Variants in SHANK1 observed in about 807,000 individuals in gnomAD.
The protein encoded by SHANK1 is SH3 and multiple ankyrin repeat domains protein 1.
SHANK1 carries 35 observed loss-of-function variants against 165.6 expected under a neutral mutation model. The ratio of observed to expected loss-of-function variants is 0.21; its 90% CI spans 0.16 to 0.28. The LOEUF is 0.28. Ranked by LOEUF, SHANK1 falls within the 10% of genes least tolerant of loss-of-function variation. The pLI, the probability that SHANK1 is intolerant of heterozygous loss-of-function variation, is 1.00. For synonymous variants in SHANK1, 1,428 were observed against 1,384.8 expected, an observed-to-expected ratio of 1.03 and a Z score of -0.69; for missense variants, 2,681 against 3,036.4, an observed-to-expected ratio of 0.88 and a Z score of 2.75.
Position 50,661,347 on chromosome 19 carries a change from G to A in SHANK1, c.*618C>T, listed in dbSNP as rs920553064. ...CGAGGAGAGCAGAGTGTATTTGAGC[G>A]GGCCTCGCCAGCCAGAAGCAAAGGC... On this transcript the variant is annotated 3_prime_UTR_variant, in exon 24 of 24. Coordinates refer to ENST00000293441, the MANE Select transcript of SHANK1 (RefSeq NM_016148.5). Among the ~76,000 whole-genome samples, 2 of 152,094 alleles carry A rather than the reference G, an allele frequency of 1.3e-5. No homozygotes were observed. The highest frequency in any genetic ancestry group is 3.9e-4 in the East Asian group (2 of 5,194).
At position 50,686,670 on chromosome 19, in the gene SHANK1, A is replaced by AT. The variant is rs1986348508; in HGVS notation, c.2458+73dup. On this transcript the variant is annotated intron_variant, in intron 20 of 23. Transcript: ENST00000293441. The surrounding 1 kb of genome is among the most constrained non-coding windows in gnomAD (Gnocchi z 5.7). ...GAAGGTGAGGGGCGCCGTGGGGTTC[A>AT]TGGTGGGACAGGGATGCAGCGGGTG... The AT allele has an allele frequency of 5.6e-6, 8 of 1,424,344 alleles. No homozygotes were observed. Among genetic ancestry groups the AT allele is most frequent in the Non-Finnish European group, 7.9e-6 (8 of 1,016,760 alleles). 88.2% of individuals were successfully genotyped at this position (1,424,344 alleles called of 1,614,324 possible).
At chr19:50,689,112 C>T in intron 16 of SHANK1, 85 bp downstream of exon 16, 2 of 1,234,180 alleles carry the variant, frequency 1.6e-6, no homozygotes, top group Non-Finnish European at 2.4e-6. Context: ...GGGCTGGGGT[C>T]CCTTCCCCTT....
rs992014292 is a variant in SHANK1 at position 50,713,579 on chromosome 19, G to A, written c.792+219C>T. Among the ~76,000 whole-genome samples the A allele has an allele frequency of 6.6e-6, 1 of 152,104 alleles. No individual in the cohort carries two copies. On this transcript the variant is annotated intron_variant, in intron 6 of 23. Coordinates refer to ENST00000293441, the MANE Select transcript of SHANK1 (RefSeq NM_016148.5). This position sits in a 1 kb window ranked among gnomAD's most constrained non-coding sequence, Gnocchi z 6.2. ...GTGTTTAGGGGAGGAGGCCGTGCCC[G>A]GGTCTGTGTGATGTCAGCTATAGCC...
chr19:50,669,798 C>T (rs923230165), intron 22 of SHANK1, among the ~76,000 whole-genome samples: 3 of 151,784 alleles, frequency 2.0e-5, no homozygotes, highest in East Asian at 1.9e-4. Context: ...GTAAACGATG[C>T]GAGCCAGGTG....
At position 50,686,830 on chromosome 19, in the gene SHANK1, G is replaced by A. The variant is rs750820943; in HGVS notation, c.2390-18C>T. On this transcript the variant is annotated intron_variant, in intron 19 of 23. Transcript: ENST00000293441. The surrounding 1 kb of genome is among the most constrained non-coding windows in gnomAD (Gnocchi z 5.7). ...CTCGTACTCTGTGGGCAAAGAACAC[G>A]GATGACGCCCAGGGAGCCCCCGGGG... is the stretch of plus-strand genomic sequence containing the variant. The A allele has an allele frequency of 1.2e-6, 2 of 1,613,390 alleles. No individual in the cohort carries two copies. Among genetic ancestry groups the A allele is most frequent in the East Asian group, 2.2e-5 (1 of 44,798 alleles).
chr19:50,667,671 T>C lies in SHANK1; in HGVS notation c.4289A>G (p.Glu1430Gly). 7 of 1,389,166 alleles carry C rather than the reference T, an allele frequency of 5.0e-6. No homozygotes were observed. The highest frequency in any genetic ancestry group is 5.6e-6 in the Non-Finnish European group (6 of 1,080,614). The allele number at this position is 1,389,166 out of a possible 1,614,324, so 86.1% of individuals were successfully genotyped here. A position where few individuals can be genotyped will look rare whatever the true frequency, so the allele number is the denominator to read the frequency against. The change falls in exon 23 of 24, where the codon GAG (glutamate) becomes GGG (glycine). Residue 1430 changes from glutamate to glycine, a missense_variant. By Grantham distance (98) the Glu-to-Gly change is moderately conservative. Around this residue, in one of 10 missense-constraint regions of SHANK1, gnomAD observed 1,713 missense variants for 1,630.2 expected, o/e 1.05. Transcript: ENST00000293441. The surrounding 1 kb of genome is among the most constrained non-coding windows in gnomAD (Gnocchi z 5.7). Reference protein sequence around the residue: ...LGYRAGLGSQEKSLPASPPAA... With the variant: ...LGYRAGLGSQGKSLPASPPAA... ...GGGCGGGCTGGCGGGAAGGGACTTCTCCTGGCTGCCCAGCCCGGCCCTGTA... is the reference window on the plus strand; with the variant it reads ...GGGCGGGCTGGCGGGAAGGGACTTCCCCTGGCTGCCCAGCCCGGCCCTGTA...
intron 23 of SHANK1, chr19:50,663,159 A>G (rs1243174301): frequency 1.1e-5 from 2 of 184,984 alleles, no homozygotes; most frequent in African/African-American, 4.8e-5. Flanking sequence ...GCTCTTCACC[A>G]CTATTCTATA....
chr19:50,692,525 C>T (rs1986574067), intron 15 of SHANK1, among the ~76,000 whole-genome samples: 1 of 149,796 alleles, frequency 6.7e-6, no homozygotes, highest in African/African-American at 2.5e-5. Context: ...CAACCACATC[C>T]AGACCCACCC....
At chr19:50,715,611 C>T (rs1490474682) in intron 4 of SHANK1, 48 bp downstream of exon 4, 1 of 1,548,122 alleles carries the variant, frequency 6.5e-7, no homozygotes, top group Non-Finnish European at 8.9e-7. Flanking sequence ...GTAGGGGGCT[C>T]CAGTGGTAGG....
chr19:50,662,243 A>C lies in SHANK1; in HGVS notation c.6208T>G (p.Ser2070Ala). The change falls in exon 24 of 24, where the codon TCA (serine) becomes GCA (alanine). Residue 2070 changes from serine (S) to alanine (A), a missense_variant. Ser to Ala is a moderately conservative substitution (Grantham distance 99). This residue lies in a region of SHANK1 where 1,713 missense variants were observed against 1,630.2 expected (regional missense o/e 1.05). Coordinates refer to ENST00000293441, the MANE Select transcript of SHANK1 (RefSeq NM_016148.5). This position sits in a 1 kb window ranked among gnomAD's most constrained non-coding sequence, Gnocchi z 7.7. ...GISGGLGGAL[S>A]GASRSLSPTR... ...GGTGAGAGGGAGCGCGAGGCCCCTG[A>C]CAAGGCTCCCCCGAGCCCCCCGGAT... 2 of 1,610,626 alleles carry C rather than the reference A, an allele frequency of 1.2e-6. No homozygotes were observed. Among genetic ancestry groups the C allele is most frequent in the Non-Finnish European group, 8.5e-7 (1 of 1,177,796 alleles).
chr19:50,665,529 T>A (rs1253843777), intron 23 of SHANK1, among the ~76,000 whole-genome samples: 3 of 119,570 alleles, frequency 2.5e-5, no homozygotes, highest in African/African-American at 6.7e-5. Context: ...ATTGTACCAC[T>A]GCACTCCAGC....
Position 50,717,523 on chromosome 19 carries a change from A to T in SHANK1, c.-43-561T>A, listed in dbSNP as rs1184005082. Among the ~76,000 whole-genome samples, 1 of 152,076 alleles carries T rather than the reference A, an allele frequency of 6.6e-6. No individual in the cohort carries two copies. Among genetic ancestry groups the T allele is most frequent in the Non-Finnish European group, 1.5e-5 (1 of 68,004 alleles). On this transcript the variant is annotated intron_variant, in intron 1 of 23. Transcript: ENST00000293441. The surrounding 1 kb of genome is among the most constrained non-coding windows in gnomAD (Gnocchi z 5.5). ...TGACTTCACTCAAGTGTGGCTGACA[A>T]CGCGTGGCATGCCGAATAGTGCTGG...
rs1599831912 is a variant in SHANK1, at chr19:50,659,668, A to G, written c.*2297T>C. On this transcript the variant is annotated 3_prime_UTR_variant, in exon 24 of 24. Coordinates refer to ENST00000293441, the MANE Select transcript of SHANK1 (RefSeq NM_016148.5). ...TGTGTTTTTTTTTTCTGTTTTTTAT[A>G]TTTTCTTCTTTTGTTATTGTTCCTC... Among the ~76,000 whole-genome samples the G allele has an allele frequency of 7.9e-6, 1 of 126,218 alleles. No individual in the cohort carries two copies. Among genetic ancestry groups the G allele is most frequent in the East Asian group, 2.3e-4 (1 of 4,280 alleles). The allele number at this position is 126,218 out of a possible 152,430, so 82.8% of individuals were successfully genotyped here.
intron 5 of SHANK1, 81 bp downstream of exon 5, chr19:50,714,101 A>G: frequency 6.6e-7 from 1 of 1,526,694 alleles, no homozygotes; most frequent in Non-Finnish European, 9.0e-7. Flanking sequence ...CCAGTCAGGA[A>G]TGGATGTGAA....
At chr19:50,687,106 C>G (rs1986370262) in intron 19 of SHANK1, 1 of 1,174,344 alleles carries the variant, frequency 8.5e-7, no homozygotes, top group Non-Finnish European at 1.1e-6. Context: ...GAGGGGCCCC[C>G]TGTCTGGAAG....
At position 50,674,872 on chromosome 19, in the gene SHANK1, G is replaced by A. The variant is rs569265457; in HGVS notation, c.2578-2758C>T. Among the ~76,000 whole-genome samples, 35 of 152,082 alleles carry A rather than the reference G, an allele frequency of 2.3e-4. No homozygotes were observed. In the East Asian group the frequency reaches 5.8e-3, roughly 25 times the overall value. The stretch of plus-strand genomic sequence containing the variant: ...AGGTCAGGAGTTCGAAACCAGCCTG[G>A]CCAACATGGTGAAATTCCACCTCTA... On this transcript the variant is annotated intron_variant, in intron 21 of 23. Transcript: ENST00000293441.
chr19:50,698,796 T>C (rs1344999277), intron 12 of SHANK1, among the ~76,000 whole-genome samples: 2 of 152,192 alleles, frequency 1.3e-5, no homozygotes, highest in Admixed American at 6.5e-5. Context: ...GGGCATACTT[T>C]CAGTCACTCA....
At chr19:50,683,071 A>G (rs1385664976) in intron 21 of SHANK1, among the ~76,000 whole-genome samples, 1 of 152,142 alleles carries the variant, frequency 6.6e-6, no homozygotes, top group Non-Finnish European at 1.5e-5. Context: ...AGCTCCAGGG[A>G]TCAGCCAGCC....
In SHANK1 at chr19:50,697,982, ACATTTCTG is replaced by A; in HGVS notation, c.1748-34_1748-27del. Reference sequence around the variant, plus strand: ...CTGGATGGGGAACGGGGACATAGAGACATTTCTGTGTTTCTGTGCTGCCCCTCAACTGC... The same window carrying A: ...CTGGATGGGGAACGGGGACATAGAGATGTTTCTGTGCTGCCCCTCAACTGC... On this transcript the variant is annotated intron_variant, in intron 12 of 23. Transcript: ENST00000293441. The surrounding 1 kb of genome is among the most constrained non-coding windows in gnomAD (Gnocchi z 4.7). 1 of 1,534,864 alleles carries A rather than the reference ACATTTCTG, an allele frequency of 6.5e-7. No homozygotes were observed. Among genetic ancestry groups the A allele is most frequent in the Non-Finnish European group, 9.0e-7 (1 of 1,111,918 alleles).
Sources: gnomAD v4.1 joint callset for allele counts (sites outside exome capture counted in the v4.1 genomes callset) on GRCh38, gnomAD v4.1.1 for gene constraint, gnomAD v4.1.1 regional missense constraint, Gnocchi (gnomAD v3.1) non-coding constraint, MANE v1.5 for transcripts, NCBI Gene and HGNC (gene_info 2026-07-23, HGNC 2026-07-21) for gene names.